Variants in DOCK4 observed in about 807,000 individuals in gnomAD.
DOCK4 encodes the protein dedicator of cytokinesis protein 4.
DOCK4 carries 97 observed loss-of-function variants against 268.1 expected under a neutral mutation model. The ratio of observed to expected loss-of-function variants is 0.36; its 90% CI spans 0.31 to 0.43. The LOEUF (loss-of-function observed/expected upper bound fraction) is 0.43. DOCK4 is among the 20% of genes least tolerant of loss of function. The pLI is 1.00. For missense variants in DOCK4, 2,145 were observed against 2,455.7 expected (o/e 0.87, Z 2.67); for synonymous variants, 954 against 887.2 (o/e 1.08, Z -1.34).
intron 26 of DOCK4, among the ~76,000 whole-genome samples, chr7:111,833,379 A>C (rs1802991094): frequency 6.6e-6 from 1 of 152,008 alleles, no homozygotes. Flanking sequence ...CTGCCTCTAC[A>C]AAAAAATTTT....
At chr7:111,919,898 C>A (rs1057472564) in intron 12 of DOCK4, among the ~76,000 whole-genome samples, 2 of 152,158 alleles carry the variant, frequency 1.3e-5, no homozygotes, top group Admixed American at 1.3e-4. Flanking sequence ...ATTTTCCAAT[C>A]AAAGAAACTC....
intron 8 of DOCK4, among the ~76,000 whole-genome samples, chr7:111,952,094 A>G (rs1369948412): frequency 1.5e-5 from 2 of 137,276 alleles, no homozygotes; most frequent in African/African-American, 2.6e-5. Flanking sequence ...CCTGTCTGCG[A>G]AAAAAAAAAA....
chr7:112,108,500 T>C (rs987101334), intron 1 of DOCK4, among the ~76,000 whole-genome samples: 1 of 152,230 alleles, frequency 6.6e-6, no homozygotes, highest in African/African-American at 2.4e-5. Flanking sequence ...TTTTACACCA[T>C]TAATTACACT....
At chr7:111,797,672 A>G (rs2133840416) in intron 30 of DOCK4, among the ~76,000 whole-genome samples, 2 of 152,348 alleles carry the variant, frequency 1.3e-5, no homozygotes, top group South Asian at 4.1e-4. Context: ...AACTCAGGAA[A>G]TAAATGAAAA....
chr7:112,169,612 GA>G (rs1382335464), intron 1 of DOCK4, among the ~76,000 whole-genome samples: 1 of 152,188 alleles, frequency 6.6e-6, no homozygotes, highest in South Asian at 2.1e-4. Context: ...GAATTAGGCA[GA>G]TAAATCCCAA....
intron 1 of DOCK4, among the ~76,000 whole-genome samples, chr7:112,016,922 G>C (rs1343556024): frequency 1.3e-5 from 2 of 152,046 alleles, no homozygotes; most frequent in Non-Finnish European, 2.9e-5. Flanking sequence ...TTTGTATATG[G>C]GTGTTTGGTT....
At chr7:111,933,300 T>TATATA (rs1562905551) in intron 12 of DOCK4, among the ~76,000 whole-genome samples, 5 of 92,696 alleles carry the variant, frequency 5.4e-5, no homozygotes, top group African/African-American at 2.6e-4. Flanking sequence ...ATATATATAT[T>TATATA]TTTTTTTTTT....
At chr7:112,149,513 A>T (rs1030771068) in intron 1 of DOCK4, among the ~76,000 whole-genome samples, 8 of 146,988 alleles carry the variant, frequency 5.4e-5, no homozygotes, top group South Asian at 2.1e-4. Context: ...AAAGAGGTTT[A>T]AAAAAAAAAG....
intron 7 of DOCK4, among the ~76,000 whole-genome samples, chr7:111,983,868 A>G (rs1428742165): frequency 1.4e-5 from 2 of 145,602 alleles, no homozygotes; most frequent in Non-Finnish European, 3.0e-5. Flanking sequence ...GCGCGCACAC[A>G]CACACACACA....
chr7:112,202,014 G>T (rs190963955), intron 1 of DOCK4, among the ~76,000 whole-genome samples: 2 of 152,230 alleles, frequency 1.3e-5, no homozygotes, highest in East Asian at 3.9e-4. Context: ...GAAAATGACA[G>T]GATTTTCCCC....
At chr7:111,740,383 G>T (rs1180232887) in intron 47 of DOCK4, among the ~76,000 whole-genome samples, 1 of 150,502 alleles carries the variant, frequency 6.6e-6, no homozygotes, top group Non-Finnish European at 1.5e-5. Context: ...TTACAGGCAT[G>T]AGCCACTGCA....
chr7:111,748,623 CTG>C (rs1324918196), intron 42 of DOCK4, among the ~76,000 whole-genome samples: 2 of 152,088 alleles, frequency 1.3e-5, no homozygotes, highest in African/African-American at 2.4e-5. Context: ...GAGAGTGAGA[CTG>C]TGAGCAACGG....
At chr7:112,081,907 ATGAGTCCAGAGACAGACT>A (rs1808623457) in intron 1 of DOCK4, among the ~76,000 whole-genome samples, 1 of 152,174 alleles carries the variant, frequency 6.6e-6, no homozygotes, top group East Asian at 1.9e-4. Flanking sequence ...CCTAGTGCTC[ATGAGTCCAGAGACAGACT>A]TGGGTTGGGG....
At chr7:111,779,314 G>C (rs112843892) in intron 35 of DOCK4, among the ~76,000 whole-genome samples, 3 of 152,174 alleles carry the variant, frequency 2.0e-5, no homozygotes, top group African/African-American at 7.2e-5. Flanking sequence ...AAAATATTTT[G>C]TTTCCTAAGA....
At chr7:111,939,240 G>A (rs1795002537) in intron 11 of DOCK4, among the ~76,000 whole-genome samples, 1 of 152,118 alleles carries the variant, frequency 6.6e-6, no homozygotes, top group Non-Finnish European at 1.5e-5. Flanking sequence ...TATGGGCTGG[G>A]GGTGGTGGCT....
chr7:111,732,213 G>A lies in DOCK4; in HGVS notation c.5481+13C>T. The A allele has an allele frequency of 6.2e-7, 1 of 1,613,772 alleles. No individual in the cohort carries two copies. The highest frequency in any genetic ancestry group is 8.5e-7 in the Non-Finnish European group (1 of 1,179,734). ...GGCCAGTCTCTAGCCTCAGTCGAAAGAAGGGCCTTTACCTTCAATGGAGAT... is the reference window on the plus strand; with the variant it reads ...GGCCAGTCTCTAGCCTCAGTCGAAAAAAGGGCCTTTACCTTCAATGGAGAT... On this transcript the variant is annotated intron_variant, in intron 52 of 52. Transcript: ENST00000428084.
At chr7:111,969,480 A>G (rs1797526239) in intron 8 of DOCK4, among the ~76,000 whole-genome samples, 1 of 151,854 alleles carries the variant, frequency 6.6e-6, no homozygotes, top group Non-Finnish European at 1.5e-5. Context: ...CCTGTCACAT[A>G]TGTCTGAAGA....
chr7:111,999,873 T>C (rs963484779), intron 3 of DOCK4, among the ~76,000 whole-genome samples: 1 of 151,912 alleles, frequency 6.6e-6, no homozygotes, highest in African/African-American at 2.4e-5. Flanking sequence ...AACACAGATA[T>C]TAGTAAGGAT....
At chr7:111,877,328 T>A (rs1806984091) in intron 16 of DOCK4, 142 bp from the exon 17 acceptor site, 2 of 764,590 alleles carry the variant, frequency 2.6e-6, no homozygotes, top group Non-Finnish European at 3.6e-6. Context: ...TTAAATAAAA[T>A]GCAAAAAAAC....
Sources: allele counts gnomAD v4.1 joint callset (sites outside exome capture counted in the v4.1 genomes callset), GRCh38; gene constraint gnomAD v4.1.1; transcripts MANE v1.5; gene names NCBI Gene and HGNC (gene_info 2026-07-23, HGNC 2026-07-21).